The following KANSL1L variants were observed in gnomAD, a reference collection of about 807,000 sequenced individuals.
KANSL1L encodes KAT8 regulatory NSL complex subunit 1-like protein.
Under a neutral mutation model 108.6 loss-of-function variants are expected in KANSL1L, and 25 were observed. The observed-to-expected ratio is 0.23, with a 90% CI of 0.17 to 0.32. The LOEUF is 0.32. Among genes scored for constraint, KANSL1L ranks in the 10% least tolerant of loss-of-function variants. The pLI is 1.00. For synonymous variants in KANSL1L, 405 were observed against 395.1 expected (o/e 1.03, Z -0.30); for missense variants, 1,137 against 1,125.7 (o/e 1.01, Z -0.14).
In KANSL1L at chr2:210,100,045, C is replaced by A. The variant is rs141536077; in HGVS notation, c.1429-1838G>T. Reference sequence around the variant, plus strand: ...CCAACCCCCGGGCTGCTGATGGGTACCTGTCCATGGCCTGTTAGAAACCAG... The same window carrying A: ...CCAACCCCCGGGCTGCTGATGGGTAACTGTCCATGGCCTGTTAGAAACCAG... On this transcript the variant is annotated intron_variant, in intron 4 of 14. Coordinates refer to ENST00000281772, the MANE Select transcript of KANSL1L (RefSeq NM_152519.4). 1.4e-3 allele frequency among the ~76,000 whole-genome samples: 209 copies of A among 152,274 alleles called. 2 individuals carry two copies. In the Middle Eastern group the frequency reaches 0.02, roughly 15 times the overall value.
At chr2:210,032,066 AG>A (rs2094025583) in intron 8 of KANSL1L, 1 of 152,300 alleles carries the variant, frequency 6.6e-6, no homozygotes, top group Non-Finnish European at 1.5e-5. Context: ...TGATGTGATA[AG>A]TGTGCAGTAA....
At chr2:210,030,141 A>C (rs1182003754) in intron 9 of KANSL1L, among the ~76,000 whole-genome samples, 1 of 151,988 alleles carries the variant, frequency 6.6e-6, no homozygotes, top group East Asian at 1.9e-4. Context: ...TTTATCGAAT[A>C]TATTTCTTAT....
intron 1 of KANSL1L, among the ~76,000 whole-genome samples, chr2:210,162,471 T>C (rs1424648392): frequency 2.6e-5 from 4 of 151,942 alleles, no homozygotes; most frequent in Non-Finnish European, 5.9e-5. Flanking sequence ...GTTTTGGATA[T>C]GTTACTTTTT....
At chr2:210,142,643 CCA>C (rs2095238598) in intron 2 of KANSL1L, among the ~76,000 whole-genome samples, 1 of 151,968 alleles carries the variant, frequency 6.6e-6, no homozygotes, top group Non-Finnish European at 1.5e-5. Context: ...TTGCTGCACC[CCA>C]TAGTTTTGTA....
upstream of KANSL1L, among the ~76,000 whole-genome samples, chr2:210,172,315 G>A (rs1319425633): frequency 6.6e-6 from 1 of 152,188 alleles, no homozygotes. Context: ...AATGATTTAA[G>A]GAACGAAGAG....
chr2:210,076,272 C>T (rs1209450337), intron 5 of KANSL1L, among the ~76,000 whole-genome samples: 1 of 152,014 alleles, frequency 6.6e-6, no homozygotes, highest in Non-Finnish European at 1.5e-5. Context: ...ACCATCGTCT[C>T]CTGGTTTCAA....
intron 1 of KANSL1L, among the ~76,000 whole-genome samples, chr2:210,169,689 T>C (rs1482524199): frequency 6.6e-6 from 1 of 152,188 alleles, no homozygotes; most frequent in Non-Finnish European, 1.5e-5. Context: ...ATAATCTATG[T>C]AGATTAAAAC....
chr2:210,109,454 C>T (rs2094883637), intron 3 of KANSL1L, among the ~76,000 whole-genome samples: 1 of 151,948 alleles, frequency 6.6e-6, no homozygotes, highest in Non-Finnish European at 1.5e-5. Flanking sequence ...TACAGTATGA[C>T]CATATAGAAT....
intron 6 of KANSL1L, among the ~76,000 whole-genome samples, chr2:210,057,665 G>A (rs1052895845): frequency 2.6e-5 from 4 of 152,200 alleles, no homozygotes; most frequent in South Asian, 2.1e-4. Flanking sequence ...TGGAGGGACC[G>A]GCTGAAGCCA....
At chr2:210,148,363 C>T (rs945366369) in intron 2 of KANSL1L, among the ~76,000 whole-genome samples, 3 of 152,170 alleles carry the variant, frequency 2.0e-5, no homozygotes, top group African/African-American at 7.2e-5. Flanking sequence ...TTCTATGGCT[C>T]TACCACCAGA....
intron 3 of KANSL1L, among the ~76,000 whole-genome samples, chr2:210,128,212 A>T (rs534860491): frequency 6.6e-6 from 1 of 152,310 alleles, no homozygotes; most frequent in East Asian, 1.9e-4. Context: ...TAGATCCACA[A>T]AAAAATTAAA....
In KANSL1L at chr2:210,090,845, A is replaced by G. The variant is rs73984327; in HGVS notation, c.1550+7241T>C. On this transcript the variant is annotated intron_variant, in intron 5 of 14. Coordinates refer to ENST00000281772, the MANE Select transcript of KANSL1L (RefSeq NM_152519.4). ...ACCATGCCCAGCCGTGTTATTTTTA[A>G]ATATATCTTTTTACCTATATCTATA... 7.7e-3 allele frequency among the ~76,000 whole-genome samples: 1,167 copies of G among 152,276 alleles called. 17 individuals are homozygous for G. Among genetic ancestry groups the G allele is most frequent in the African/African-American group, 0.026 (1,095 of 41,548 alleles).
At position 210,139,326 on chromosome 2, in the gene KANSL1L, A is replaced by G. The variant is rs562243493; in HGVS notation, c.1089-10154T>C. 2.2e-4 allele frequency among the ~76,000 whole-genome samples: 33 copies of G among 152,296 alleles called. 2 individuals are homozygous for G. The highest frequency in any genetic ancestry group is 5.5e-4 in the African/African-American group (23 of 41,568). On this transcript the variant is annotated intron_variant, in intron 2 of 14. Transcript: ENST00000281772. ...CTTATCCATTCATCTGTCAATGGTC[A>G]GTTTGATTGCATACTTTGGCCACTG...
intron 2 of KANSL1L, among the ~76,000 whole-genome samples, chr2:210,145,868 C>T (rs914484614): frequency 3.3e-5 from 5 of 152,006 alleles, no homozygotes; most frequent in African/African-American, 9.7e-5. Flanking sequence ...TGTGGGTATG[C>T]GGCCATGGAG....
intron 5 of KANSL1L, among the ~76,000 whole-genome samples, chr2:210,077,886 C>A (rs1249725159): frequency 6.6e-6 from 1 of 152,178 alleles, no homozygotes; most frequent in Non-Finnish European, 1.5e-5. Context: ...GGCTCATAGG[C>A]TGGCTTAAAG....
intron 1 of KANSL1L, among the ~76,000 whole-genome samples, chr2:210,167,037 A>C (rs1407845141): frequency 6.6e-6 from 1 of 152,026 alleles, no homozygotes; most frequent in Non-Finnish European, 1.5e-5. Flanking sequence ...TTTAAAAATA[A>C]ATAAATAAAA....
At chr2:210,061,975 A>G (rs1365512021) in intron 6 of KANSL1L, among the ~76,000 whole-genome samples, 1 of 152,258 alleles carries the variant, frequency 6.6e-6, no homozygotes, top group Non-Finnish European at 1.5e-5. Context: ...AAATATGTGT[A>G]TCTTCTCATT....
Position 210,075,548 on chromosome 2 carries a change from T to G in KANSL1L, c.1755+4A>C, listed in dbSNP as rs553492170. ...TCATGTTTTCTTCCCAAAGGCAGCC[T>G]TACCTGTGGAGTCCAATAAAAAGTA... On this transcript the variant is annotated splice_donor_region_variant and intron_variant, in intron 6 of 14. Coordinates refer to ENST00000281772, the MANE Select transcript of KANSL1L (RefSeq NM_152519.4). 16 of 1,601,500 alleles carry G rather than the reference T, an allele frequency of 1.0e-5. No individual in the cohort carries two copies. The highest frequency in any genetic ancestry group is 1.4e-5 in the Non-Finnish European group (16 of 1,168,996).
intron 6 of KANSL1L, among the ~76,000 whole-genome samples, chr2:210,053,828 A>T (rs1396645697): frequency 1.3e-5 from 2 of 152,094 alleles, no homozygotes; most frequent in Non-Finnish European, 2.9e-5. Context: ...TGTATATATC[A>T]GAAAAAATGT....
Sources: allele counts gnomAD v4.1 joint callset (sites outside exome capture counted in the v4.1 genomes callset), GRCh38; gene constraint gnomAD v4.1.1; transcripts MANE v1.5; gene names NCBI Gene and HGNC (gene_info 2026-07-23, HGNC 2026-07-21).